Variants in CPNE2 observed in about 807,000 individuals in gnomAD.
CPNE2 encodes copine 2, also known as copine-2.
In CPNE2, 42 loss-of-function variants were observed where a neutral mutation model predicts 69.7. The observed-to-expected ratio is 0.60, with a 90% CI of 0.47 to 0.78. CPNE2 has a LOEUF of 0.78. Ranked by LOEUF, CPNE2 falls within the 30% of genes least tolerant of loss-of-function variation. CPNE2 has a pLI of 0.00. For synonymous variants in CPNE2, 294 were observed against 289.8 expected, an observed-to-expected ratio of 1.01 and a Z score of -0.15; for missense variants, 587 against 732.0, an observed-to-expected ratio of 0.80 and a Z score of 2.29.
chr16:57,134,718 C>A, intron 12 of CPNE2, 57 bp from the exon 13 acceptor site: 1 of 1,602,414 alleles, frequency 6.2e-7, no homozygotes, highest in Non-Finnish European at 8.5e-7. Flanking sequence ...TGGGTGGTGG[C>A]CTGGGTCTGG....
chr16:57,124,711 T>C (rs540490240), intron 10 of CPNE2: 17 of 253,828 alleles, frequency 6.7e-5, no homozygotes, highest in South Asian at 6.5e-4. Context: ...TGCCACGCTC[T>C]GCCCACCTCC....
intron 5 of CPNE2, 57 bp downstream of exon 5, chr16:57,117,624 G>T: frequency 1.3e-6 from 2 of 1,588,002 alleles, no homozygotes; most frequent in Non-Finnish European, 1.7e-6. Flanking sequence ...CCAGCCCCAG[G>T]GCTGTGTGGC....
In CPNE2 at chr16:57,132,891, C is replaced by A. The variant is rs567174679; in HGVS notation, c.1117-1884C>A. On this transcript the variant is annotated intron_variant, in intron 12 of 15. Coordinates refer to ENST00000290776, the MANE Select transcript of CPNE2 (RefSeq NM_152727.6). ...GGGGCAGATGGACAACCTTCCACAG[C>A]CCCCCTGACCGCAAGGCTGGGCCCT... 1.2e-4 allele frequency among the ~76,000 whole-genome samples: 18 copies of A among 152,136 alleles called. No homozygotes were observed. In the South Asian group the frequency reaches 3.3e-3, roughly 28 times the overall value.
intron 3 of CPNE2, among the ~76,000 whole-genome samples, chr16:57,114,894 C>T (rs1378459245): frequency 3.0e-5 from 4 of 134,928 alleles, no homozygotes; most frequent in African/African-American, 8.5e-5. Flanking sequence ...GCCTGGAGTT[C>T]GAGACCAGCC....
intron 11 of CPNE2, among the ~76,000 whole-genome samples, chr16:57,127,618 C>G (rs1049820622): frequency 2.6e-5 from 4 of 152,150 alleles, no homozygotes. Context: ...TTAGAAGTAC[C>G]ATTGTCGTGT....
intron 12 of CPNE2, 90 bp from the exon 13 acceptor site, chr16:57,134,685 C>T: frequency 6.9e-7 from 1 of 1,444,268 alleles, no homozygotes; most frequent in Non-Finnish European, 9.7e-7. Context: ...CCGGTGCTCT[C>T]AAAGGGAGCC....
At chr16:57,114,943 A>C (rs2069707759) in intron 3 of CPNE2, among the ~76,000 whole-genome samples, 1 of 148,650 alleles carries the variant, frequency 6.7e-6, no homozygotes, top group Non-Finnish European at 1.5e-5. Context: ...CCAAAAAAAA[A>C]AAAAAAAAAA....
At chr16:57,135,607 A>G (rs1288816284) in intron 13 of CPNE2, among the ~76,000 whole-genome samples, 1 of 151,252 alleles carries the variant, frequency 6.6e-6, no homozygotes, top group Non-Finnish European at 1.5e-5. Flanking sequence ...AGGGGAAGGG[A>G]GGGTCACACC....
intron 1 of CPNE2, among the ~76,000 whole-genome samples, chr16:57,103,629 C>T (rs370060148): frequency 3.1e-4 from 47 of 152,298 alleles, no homozygotes; most frequent in African/African-American, 1.1e-3. Context: ...ACCAGGCCTC[C>T]TCCTGGGCCA....
At chr16:57,102,675 C>G (rs1437946440) in intron 1 of CPNE2, among the ~76,000 whole-genome samples, 1 of 151,684 alleles carries the variant, frequency 6.6e-6, no homozygotes, top group Admixed American at 6.6e-5. Flanking sequence ...GATCTCAGCT[C>G]ATTGCAACCT....
At position 57,146,817 on chromosome 16, in the gene CPNE2, G is replaced by C. The variant is rs1299231006; in HGVS notation, c.1539+496G>C. 6.1e-6 allele frequency: 1 copy of C among 165,108 alleles called. No homozygotes were observed. The highest frequency in any genetic ancestry group is 1.3e-5 in the Non-Finnish European group (1 of 75,398). The allele number at this position is 165,108 out of a possible 1,614,324, so 10.2% of individuals were successfully genotyped here. On this transcript the variant is annotated intron_variant, in intron 15 of 15. Transcript: ENST00000290776. The surrounding 1 kb of genome is among the most constrained non-coding windows in gnomAD (Gnocchi z 4.4). ...AGCCTTGTTCCTGGAAGTGGCTCTG[G>C]CTTTATTTGCAGGTGATCCCAGATC...
intron 1 of CPNE2, among the ~76,000 whole-genome samples, chr16:57,100,262 AAGGGC>A (rs2069604958): frequency 6.6e-6 from 1 of 152,126 alleles, no homozygotes; most frequent in Non-Finnish European, 1.5e-5. Flanking sequence ...AAGAAGGGGG[AAGGGC>A]ATTCCAGGCA....
intron 1 of CPNE2, among the ~76,000 whole-genome samples, chr16:57,105,756 A>G (rs2069644326): frequency 6.6e-6 from 1 of 152,100 alleles, no homozygotes; most frequent in Admixed American, 6.5e-5. Flanking sequence ...CCCCTCTCCA[A>G]GCTCCTTGCC....
At position 57,137,213 on chromosome 16, in the gene CPNE2, C is replaced by T; in HGVS notation, c.1233C>T (p.Thr411=). The T allele has an allele frequency of 6.2e-7, 1 of 1,614,250 alleles. No homozygotes were observed. Among genetic ancestry groups the T allele is most frequent in the Non-Finnish European group, 8.5e-7 (1 of 1,180,038 alleles). ...CLPHIRFYGP[T]NFSPIVNHVA... Reference sequence around the variant, plus strand: ...CCCACATCCGCTTCTACGGTCCTACCAATTTCTCCCCCATCGTCAACCACG... The same window carrying T: ...CCCACATCCGCTTCTACGGTCCTACTAATTTCTCCCCCATCGTCAACCACG... Residue 411 remains threonine (T), a synonymous_variant, in exon 14 of 16, where the codon ACC becomes ACT. Transcript: ENST00000290776.
At position 57,125,897 on chromosome 16, in the gene CPNE2, T is replaced by G. The variant is rs1476105406; in HGVS notation, c.965T>G (p.Leu322Arg). Residue 322 changes from leucine to arginine, a missense_variant, in exon 11 of 16, where the codon CTC (leucine) becomes CGC (arginine). By Grantham distance (102) the Leu-to-Arg change is moderately radical (BLOSUM62 -2). Transcript: ENST00000290776. ...IDFTASNGNP[L>R]DPSSLHYINP... The stretch of plus-strand genomic sequence containing the variant: ...TTTACAGCCTCCAACGGGAATCCCC[T>G]CGACCCTTCCTCTTTGCACTATATC... 1 of 1,614,062 alleles carries G rather than the reference T, an allele frequency of 6.2e-7. No individual in the cohort carries two copies. The highest frequency in any genetic ancestry group is 8.5e-7 in the Non-Finnish European group (1 of 1,180,040).
chr16:57,099,210 A>G (rs1348985458), intron 1 of CPNE2, among the ~76,000 whole-genome samples: 1 of 152,168 alleles, frequency 6.6e-6, no homozygotes, highest in Non-Finnish European at 1.5e-5. Context: ...ATATAGGATG[A>G]CATACTCCTT....
In CPNE2 at chr16:57,119,701, C is replaced by G. The variant is rs758604232; in HGVS notation, c.681+51C>G. 6.8e-6 allele frequency: 9 copies of G among 1,317,630 alleles called. No individual in the cohort carries two copies. The Admixed American group carries it at 1.8e-4, about 26-fold the overall frequency. The allele number at this position is 1,317,630 out of a possible 1,614,324, so 81.6% of individuals were successfully genotyped here. On this transcript the variant is annotated intron_variant, in intron 7 of 15. Transcript: ENST00000290776. Reference sequence around the variant, plus strand: ...CCCCACCTTGCCAGCTCCAGCCTCCCAGTCTACCTGAGGCTCCCGGGGATG... The same window carrying G: ...CCCCACCTTGCCAGCTCCAGCCTCCGAGTCTACCTGAGGCTCCCGGGGATG...
chr16:57,113,587 T>C (rs2069696124), intron 3 of CPNE2, 120 bp downstream of exon 3: 1 of 1,045,336 alleles, frequency 9.6e-7, no homozygotes, highest in East Asian at 2.6e-5. Context: ...AAAGTGCAGA[T>C]GCAGAGTGGG....
chr16:57,104,169 C>A (rs552768319), intron 1 of CPNE2, among the ~76,000 whole-genome samples: 1 of 152,194 alleles, frequency 6.6e-6, no homozygotes, highest in Non-Finnish European at 1.5e-5. Flanking sequence ...CCAGCTGCCT[C>A]GGCCTCCCAA....
Sources: allele counts gnomAD v4.1 joint callset (sites outside exome capture counted in the v4.1 genomes callset), GRCh38; gene constraint gnomAD v4.1.1; non-coding constraint Gnocchi (gnomAD v3.1); transcripts MANE v1.5; gene names NCBI Gene and HGNC (gene_info 2026-07-23, HGNC 2026-07-21).